The following LARS2 variants were observed in gnomAD, a reference collection of about 807,000 sequenced individuals.
The protein encoded by LARS2 is leucyl-tRNA synthetase 2, mitochondrial, also known as leucine--tRNA ligase, mitochondrial.
In LARS2, 81 loss-of-function variants were observed where a neutral mutation model predicts 116.6. That is an observed-to-expected ratio of 0.69 (90% confidence interval 0.58 to 0.84). The LOEUF (loss-of-function observed/expected upper bound fraction) is 0.84. LARS2 is among the 40% of genes least tolerant of loss of function. The pLI, the probability that LARS2 is intolerant of heterozygous loss-of-function variation, is 0.00. For missense variants in LARS2, 968 were observed against 1,114.5 expected (o/e 0.87, Z 1.87); for synonymous variants, 396 against 407.2 (o/e 0.97, Z 0.33).
intron 4 of LARS2, among the ~76,000 whole-genome samples, chr3:45,414,630 G>C (rs1241456328): frequency 6.6e-6 from 1 of 152,110 alleles, no homozygotes; most frequent in East Asian, 1.9e-4. Flanking sequence ...GGCACTTTGG[G>C]AGGGAGAAGG....
intron 6 of LARS2, among the ~76,000 whole-genome samples, chr3:45,438,738 G>A (rs572624047): frequency 6.6e-6 from 1 of 152,034 alleles, no homozygotes; most frequent in Admixed American, 6.5e-5. Flanking sequence ...TGGAGGCTGA[G>A]ACAGGAGAAT....
chr3:45,451,203 T>G (rs1026273443), intron 7 of LARS2, among the ~76,000 whole-genome samples: 3 of 152,120 alleles, frequency 2.0e-5, no homozygotes, highest in Non-Finnish European at 2.9e-5. Context: ...CTTTTTTGCT[T>G]GATGTAATCC....
intron 10 of LARS2, among the ~76,000 whole-genome samples, chr3:45,478,220 G>A (rs1374583715): frequency 6.6e-6 from 1 of 152,158 alleles, no homozygotes; most frequent in African/African-American, 2.4e-5. Flanking sequence ...AACTGGATAT[G>A]TTTCAACTGT....
In LARS2 at chr3:45,547,766, C is replaced by G. The variant is rs1290788717; in HGVS notation, c.*236C>G. The G allele has an allele frequency of 9.3e-6, 4 of 429,280 alleles. No individual in the cohort carries two copies. The highest frequency in any genetic ancestry group is 8.2e-5 in the African/African-American group (4 of 48,828). 26.6% of individuals were successfully genotyped at this position (429,280 alleles called of 1,614,324 possible). A position where few individuals can be genotyped will look rare whatever the true frequency, so the allele number is the denominator to read the frequency against. On this transcript the variant is annotated 3_prime_UTR_variant, in exon 22 of 22. Coordinates refer to ENST00000645846, the MANE Select transcript of LARS2 (RefSeq NM_015340.4). Reference sequence around the variant, plus strand: ...AGCTACTGAGGAGGGGGTTGGACATCCTGCCCCTCACCCCCCACCCACACT... The same window carrying G: ...AGCTACTGAGGAGGGGGTTGGACATGCTGCCCCTCACCCCCCACCCACACT...
chr3:45,394,683 C>A lies in LARS2; in HGVS notation c.230C>A (p.Ala77Asp). The change falls in exon 3 of 22, where the codon GCT becomes GAT. Residue 77 changes from alanine (A) to aspartate (D), a missense_variant. By Grantham distance (126) the Ala-to-Asp change is moderately radical. Coordinates refer to ENST00000645846, the MANE Select transcript of LARS2 (RefSeq NM_015340.4). ...IKEQASKISE[A>D]DKSKPKFYVL... The stretch of plus-strand genomic sequence containing the variant: ...GAACAGGCCTCCAAAATTTCAGAAG[C>A]TGATGTGAGTATTCTGAGAGATTCT... 7 of 1,603,866 alleles carry A rather than the reference C, an allele frequency of 4.4e-6. No homozygotes were observed. The highest frequency in any genetic ancestry group is 5.1e-6 in the Non-Finnish European group (6 of 1,170,684).
intron 13 of LARS2, 144 bp downstream of exon 13, chr3:45,491,944 T>C: frequency 1.3e-6 from 1 of 773,284 alleles, no homozygotes; most frequent in Non-Finnish European, 2.0e-6. Flanking sequence ...TGTGGGTCTT[T>C]GGGGCCCTTT....
At chr3:45,398,673 C>T (rs1397878918) in intron 3 of LARS2, among the ~76,000 whole-genome samples, 7 of 152,202 alleles carry the variant, frequency 4.6e-5, no homozygotes, top group Non-Finnish European at 1.0e-4. Flanking sequence ...GGGGAACCCT[C>T]CTATTACTTG....
chr3:45,388,962 A>G (rs947958243), intron 1 of LARS2: 10 of 152,126 alleles, frequency 6.6e-5, no homozygotes, highest in African/African-American at 2.2e-4. Context: ...CCCCTACCCC[A>G]GATCTTTGCT....
At chr3:45,457,738 A>G (rs889714956) in intron 7 of LARS2, among the ~76,000 whole-genome samples, 4 of 152,188 alleles carry the variant, frequency 2.6e-5, no homozygotes, top group African/African-American at 9.7e-5. Flanking sequence ...AGTCCCCAAC[A>G]CACCCCTCTG....
At chr3:45,453,244 G>T (rs1699162697) in intron 7 of LARS2, among the ~76,000 whole-genome samples, 1 of 151,318 alleles carries the variant, frequency 6.6e-6, no homozygotes, top group Non-Finnish European at 1.5e-5. Context: ...CTAGTTCCTT[G>T]TGCATTTTTT....
chr3:45,426,986 C>A (rs1045044925), intron 6 of LARS2, among the ~76,000 whole-genome samples: 107 of 152,182 alleles, frequency 7.0e-4, no homozygotes, highest in African/African-American at 2.5e-3. Flanking sequence ...GGTGATGGAT[C>A]TGGCTATTAA....
chr3:45,435,842 T>C lies in LARS2; in HGVS notation c.517-11049T>C, dbSNP rs528739143. 3.9e-5 allele frequency among the ~76,000 whole-genome samples: 6 copies of C among 152,306 alleles called. No individual in the cohort carries two copies. In the South Asian group the frequency reaches 1.2e-3, roughly 32 times the overall value. Reference sequence around the variant, plus strand: ...GTCTTATGTTTCATTCATATATATATTCCAGAGTTTTTAGTTGTATTTAGA... The same window carrying C: ...GTCTTATGTTTCATTCATATATATACTCCAGAGTTTTTAGTTGTATTTAGA... On this transcript the variant is annotated intron_variant, in intron 6 of 21. Transcript: ENST00000645846.
chr3:45,438,078 G>A (rs1298877398), intron 6 of LARS2, among the ~76,000 whole-genome samples: 1 of 152,090 alleles, frequency 6.6e-6, no homozygotes. Context: ...CTACCTCCTG[G>A]GATTGTGATG....
chr3:45,520,627 C>G (rs373321222), intron 19 of LARS2, among the ~76,000 whole-genome samples: 1 of 152,124 alleles, frequency 6.6e-6, no homozygotes, highest in Non-Finnish European at 1.5e-5. Flanking sequence ...CTTTGCACCC[C>G]CGCTGTCTGA....
intron 3 of LARS2, among the ~76,000 whole-genome samples, chr3:45,396,159 C>A (rs902744299): frequency 6.6e-6 from 1 of 152,082 alleles, no homozygotes; most frequent in East Asian, 1.9e-4. Context: ...TCAAATGGAT[C>A]AAAATAAATT....
chr3:45,546,436 T>C (rs572492021), intron 21 of LARS2, among the ~76,000 whole-genome samples: 2 of 152,252 alleles, frequency 1.3e-5, no homozygotes, highest in South Asian at 4.1e-4. Context: ...GTTTTATTCG[T>C]CCTCTCCCTG....
intron 1 of LARS2, among the ~76,000 whole-genome samples, chr3:45,389,493 C>T (rs1026222043): frequency 6.6e-6 from 1 of 152,218 alleles, no homozygotes; most frequent in African/African-American, 2.4e-5. Flanking sequence ...GTCTTGGGAC[C>T]ACGGCCTAGA....
chr3:45,516,805 C>T (rs898366729), intron 17 of LARS2, among the ~76,000 whole-genome samples: 3 of 152,188 alleles, frequency 2.0e-5, no homozygotes, highest in Non-Finnish European at 1.5e-5. Flanking sequence ...CTCTTAGTCA[C>T]CCACAGCACC....
At chr3:45,537,792 A>G (rs1478936873) in intron 20 of LARS2, among the ~76,000 whole-genome samples, 4 of 152,208 alleles carry the variant, frequency 2.6e-5, no homozygotes, top group South Asian at 2.1e-4. Context: ...CACAGAAGCC[A>G]TGATCACTCT....
Sources: gnomAD v4.1 joint callset for allele counts (sites outside exome capture counted in the v4.1 genomes callset) on GRCh38, gnomAD v4.1.1 for gene constraint, MANE v1.5 for transcripts, NCBI Gene and HGNC (gene_info 2026-07-23, HGNC 2026-07-21) for gene names.